CAMK1D: variants seen among roughly 807,000 people sequenced by gnomAD.
CAMK1D encodes calcium/calmodulin dependent protein kinase ID, also known as calcium/calmodulin-dependent protein kinase type 1D.
Under a neutral mutation model 47.7 loss-of-function variants are expected in CAMK1D, and 9 were observed. That is an observed-to-expected ratio of 0.19 (90% CI 0.11 to 0.33). CAMK1D has a LOEUF of 0.33. Among genes scored for constraint, CAMK1D ranks in the 10% least tolerant of loss-of-function variants. The probability of loss-of-function intolerance (pLI) is 1.00; values close to 1 mark genes in which losing one functional copy is unlikely to be tolerated. For synonymous variants in CAMK1D, 184 were observed against 184.9 expected, an observed-to-expected ratio of 0.99 and a Z score of 0.04; for missense variants, 291 against 488.7, an observed-to-expected ratio of 0.60 and a Z score of 3.81.
chr10:12,411,072 T>C (rs896111041), intron 1 of CAMK1D, among the ~76,000 whole-genome samples: 23 of 152,308 alleles, frequency 1.5e-4, no homozygotes, highest in Admixed American at 1.4e-3. Flanking sequence ...GCTTCTGTAA[T>C]GGATTAAGCT....
chr10:12,737,720 A>T lies in CAMK1D; in HGVS notation c.300-23228A>T, dbSNP rs1835249477. Among the ~76,000 whole-genome samples the T allele has an allele frequency of 3.3e-5, 5 of 152,198 alleles. No homozygotes were observed. In the South Asian group the frequency reaches 1.0e-3, roughly 31 times the overall value. The stretch of plus-strand genomic sequence containing the variant: ...TTATCAATAATTGTGATATGACCAA[A>T]TCCTAGATTCTACAGCACTTTACTC... On this transcript the variant is annotated intron_variant, in intron 3 of 10. Transcript: ENST00000619168.
intron 1 of CAMK1D, among the ~76,000 whole-genome samples, chr10:12,388,853 G>C (rs1291717178): frequency 6.6e-6 from 1 of 152,156 alleles, no homozygotes; most frequent in Admixed American, 6.5e-5. Flanking sequence ...ATGTGATTTT[G>C]TTACCACGCT....
chr10:12,622,921 A>C (rs950833963), intron 2 of CAMK1D, among the ~76,000 whole-genome samples: 3 of 151,918 alleles, frequency 2.0e-5, no homozygotes, highest in African/African-American at 7.3e-5. Context: ...GGGAACAAGC[A>C]CTGTGGTGTA....
intron 2 of CAMK1D, among the ~76,000 whole-genome samples, chr10:12,613,765 G>A (rs28583766): frequency 0.07 from 10,668 of 152,236 alleles, 871 homozygotes; most frequent in African/African-American, 0.19. Context: ...GGCATGAGCC[G>A]CCGCACCCGG....
intron 1 of CAMK1D, among the ~76,000 whole-genome samples, chr10:12,478,610 G>A (rs1021097615): frequency 6.6e-6 from 1 of 152,084 alleles, no homozygotes; most frequent in African/African-American, 2.4e-5. Flanking sequence ...GTAATACGGG[G>A]TGCACTTTTA....
At chr10:12,822,296 A>C (rs1833043639) in intron 8 of CAMK1D, among the ~76,000 whole-genome samples, 1 of 152,208 alleles carries the variant, frequency 6.6e-6, no homozygotes. Context: ...ACATGGCTGC[A>C]CTGCTGCAGG....
intron 3 of CAMK1D, among the ~76,000 whole-genome samples, chr10:12,723,624 G>A (rs1588849898): frequency 6.6e-6 from 1 of 152,018 alleles, no homozygotes; most frequent in East Asian, 1.9e-4. Flanking sequence ...ACCTCCAAGA[G>A]GCAGAATAGT....
intron 1 of CAMK1D, among the ~76,000 whole-genome samples, chr10:12,510,357 A>G: frequency 6.6e-6 from 1 of 152,192 alleles, no homozygotes; most frequent in South Asian, 2.1e-4. Flanking sequence ...CGGAGGTTGC[A>G]GTGAGCTGAG....
chr10:12,360,702 A>C (rs2997068), intron 1 of CAMK1D, among the ~76,000 whole-genome samples: 104,882 of 151,986 alleles, frequency 0.69, 37,461 homozygotes, highest in Non-Finnish European at 0.79. Context: ...TGGGTCGCAA[A>C]CTGGGGAGTT....
intron 1 of CAMK1D, among the ~76,000 whole-genome samples, chr10:12,542,221 G>C (rs1317860013): frequency 7.9e-5 from 12 of 152,104 alleles, no homozygotes; most frequent in Non-Finnish European, 1.6e-4. Flanking sequence ...GTGCTGACGT[G>C]ACACTGGGGA....
At chr10:12,785,277 G>T (rs1380790289) in intron 5 of CAMK1D, among the ~76,000 whole-genome samples, 1 of 152,150 alleles carries the variant, frequency 6.6e-6, no homozygotes. Flanking sequence ...GTTGTGTCTG[G>T]GCCAGGAGAA....
chr10:12,380,236 C>T (rs1371931871), intron 1 of CAMK1D, among the ~76,000 whole-genome samples: 1 of 152,068 alleles, frequency 6.6e-6, no homozygotes, highest in East Asian at 1.9e-4. Context: ...AGAGGCATCG[C>T]TGATTGATTG....
rs146668498 is a variant in CAMK1D, at chr10:12,553,805, C to T, written c.224+449C>T. 9.4e-4 allele frequency among the ~76,000 whole-genome samples: 143 copies of T among 152,312 alleles called. 1 individual carries two copies. The highest frequency in any genetic ancestry group is 3.3e-3 in the African/African-American group (136 of 41,568). On this transcript the variant is annotated intron_variant, in intron 2 of 10. Coordinates refer to ENST00000619168, the MANE Select transcript of CAMK1D (RefSeq NM_153498.4). ...AGTGCTCAGTAAAGGTCTGTGCTGT[C>T]GCCACCGCTGTGAGTACTGTTGCTG...
intron 2 of CAMK1D, among the ~76,000 whole-genome samples, chr10:12,567,109 T>C (rs1837148743): frequency 6.6e-6 from 1 of 152,188 alleles, no homozygotes; most frequent in Admixed American, 6.5e-5. Context: ...GTGAATACAA[T>C]GAAGATACTA....
chr10:12,681,876 A>G (rs1832453790), intron 3 of CAMK1D, among the ~76,000 whole-genome samples: 1 of 152,232 alleles, frequency 6.6e-6, no homozygotes, highest in Non-Finnish European at 1.5e-5. Flanking sequence ...ATATATTCCT[A>G]CAAAAGAAAG....
chr10:12,645,573 C>G (rs1839789320), intron 2 of CAMK1D, among the ~76,000 whole-genome samples: 1 of 152,196 alleles, frequency 6.6e-6, no homozygotes, highest in Non-Finnish European at 1.5e-5. Flanking sequence ...TAATCACTTC[C>G]TTCTTGGGGT....
chr10:12,657,458 A>AT (rs71386107), intron 2 of CAMK1D, among the ~76,000 whole-genome samples: 1 of 151,970 alleles, frequency 6.6e-6, no homozygotes, highest in Non-Finnish European at 1.5e-5. Flanking sequence ...AAATAAATAA[A>AT]AACACCTTTC....
chr10:12,817,407 A>G (rs1465912786), intron 8 of CAMK1D, among the ~76,000 whole-genome samples: 2 of 152,094 alleles, frequency 1.3e-5, no homozygotes, highest in African/African-American at 4.8e-5. Flanking sequence ...TCAACTCGAG[A>G]GGGACTAATT....
Position 12,791,154 on chromosome 10 carries a change from G to A in CAMK1D, c.566-4G>A. The A allele has an allele frequency of 6.2e-7, 1 of 1,613,888 alleles. No homozygotes were observed. The highest frequency in any genetic ancestry group is 8.5e-7 in the Non-Finnish European group (1 of 1,179,878). On this transcript the variant is annotated splice_region_variant and splice_polypyrimidine_tract_variant and intron_variant, in intron 5 of 10. Transcript: ENST00000619168. ...GGCTGTGTCTTTTCTTTGTCTTTCT[G>A]CAGCTCCTGAAGTCCTCGCCCAGAA...
Sources: allele counts gnomAD v4.1 joint callset (sites outside exome capture counted in the v4.1 genomes callset), GRCh38; gene constraint gnomAD v4.1.1; transcripts MANE v1.5; gene names NCBI Gene and HGNC (gene_info 2026-07-23, HGNC 2026-07-21).